Variants in NAV1 observed in about 807,000 individuals in gnomAD.
NAV1 encodes the protein pore membrane and/or filament interacting like protein 3.
A neutral mutation model predicts 175.2 loss-of-function variants in NAV1; 18 were observed. That is an observed-to-expected ratio of 0.10 (90% CI 0.07 to 0.15). The LOEUF (loss-of-function observed/expected upper bound fraction) is 0.15, where lower values mean the gene tolerates loss of function less well. Ranked by LOEUF, NAV1 falls within the 10% of genes least tolerant of loss-of-function variation. The pLI, the probability that NAV1 is intolerant of heterozygous loss-of-function variation, is 1.00. For missense variants in NAV1, 1,731 were observed against 2,436.6 expected (o/e 0.71, Z 6.10); for synonymous variants, 897 against 978.7 (o/e 0.92, Z 1.56).
At chr1:201,612,256 C>T (rs1489731741) in intron 2 of NAV1, among the ~76,000 whole-genome samples, 3 of 152,014 alleles carry the variant, frequency 2.0e-5, no homozygotes, top group African/African-American at 4.8e-5. Flanking sequence ...GGAGACCAGC[C>T]TGGTCAATAT....
rs1272936280 is a variant in NAV1, at chr1:201,780,992, C to T, written c.1366-20C>T. 1.9e-6 allele frequency: 3 copies of T among 1,577,232 alleles called. No individual in the cohort carries two copies. In the African/African-American group the frequency reaches 4.1e-5, roughly 21 times the overall value. On this transcript the variant is annotated intron_variant, in intron 4 of 29. Coordinates refer to ENST00000367296, the Ensembl canonical transcript of NAV1. The stretch of plus-strand genomic sequence containing the variant: ...ATCTGCATAGAAGTATCTCACTCTG[C>T]CTTTTTCTCTTTTCTTTAGCTACGC...
intron 2 of NAV1, among the ~76,000 whole-genome samples, chr1:201,603,376 G>C (rs954463163): frequency 1.3e-5 from 2 of 152,164 alleles, no homozygotes; most frequent in African/African-American, 4.8e-5. Context: ...ACATGGAATT[G>C]CTGCATCACT....
At chr1:201,603,653 C>T (rs1442979663) in intron 2 of NAV1, among the ~76,000 whole-genome samples, 1 of 152,072 alleles carries the variant, frequency 6.6e-6, no homozygotes, top group African/African-American at 2.4e-5. Context: ...GGAAAGTAGC[C>T]CCACTCCAGA....
intron 1 of NAV1, among the ~76,000 whole-genome samples, chr1:201,551,247 G>C (rs182196817): frequency 2.6e-5 from 4 of 151,366 alleles, no homozygotes; most frequent in Admixed American, 2.6e-4. Flanking sequence ...TTTTTTTCTT[G>C]AGAAAGGGTC....
intron 15 of NAV1, among the ~76,000 whole-genome samples, chr1:201,799,609 C>T (rs993347351): frequency 6.6e-6 from 1 of 152,170 alleles, no homozygotes; most frequent in African/African-American, 2.4e-5. Context: ...CCTATAATCC[C>T]AGCACTTTGG....
chr1:201,820,057 G>A (rs1679299830), exon 30 of NAV1: 15 of 903,654 alleles, frequency 1.7e-5, no homozygotes, highest in Non-Finnish European at 2.1e-5. Context: ...CAGGAGGGAG[G>A]AGGAGATGAA....
chr1:201,625,012 G>A (rs187916882), intron 1 of NAV1, among the ~76,000 whole-genome samples: 18 of 152,250 alleles, frequency 1.2e-4, no homozygotes, highest in African/African-American at 4.3e-4. Flanking sequence ...CTAGGCCTTT[G>A]GAGTTCAGGA....
rs1445610561 is a variant in NAV1 at position 201,690,325 on chromosome 1, C to T, written c.758-22492C>T. Among the ~76,000 whole-genome samples the T allele has an allele frequency of 2.2e-5, 2 of 92,636 alleles. 1 individual carries two copies. The allele number at this position is 92,636 out of a possible 152,430, so 60.8% of individuals were successfully genotyped here. On this transcript the variant is annotated intron_variant, in intron 1 of 29. Coordinates refer to ENST00000367296, the Ensembl canonical transcript of NAV1. ...CTATTTCCTCCGTGGCCTGTCCATG[C>T]AGTGTGTGTCTGTTTCCTCTGTGGC... is the stretch of plus-strand genomic sequence containing the variant.
At chr1:201,650,663 C>G (rs1432950390) in intron 1 of NAV1, among the ~76,000 whole-genome samples, 1 of 152,218 alleles carries the variant, frequency 6.6e-6, no homozygotes, top group Non-Finnish European at 1.5e-5. Context: ...CCGGTTCGGC[C>G]TGCTGCAGTC....
At chr1:201,762,331 A>G (rs1393714382) in intron 3 of NAV1, among the ~76,000 whole-genome samples, 2 of 152,046 alleles carry the variant, frequency 1.3e-5, no homozygotes, top group Non-Finnish European at 2.9e-5. Flanking sequence ...CGGAATTGTT[A>G]TTTCTTTTCA....
intron 2 of NAV1, among the ~76,000 whole-genome samples, chr1:201,589,529 T>G (rs1421993536): frequency 2.6e-5 from 4 of 152,176 alleles, no homozygotes; most frequent in Admixed American, 6.5e-5. Context: ...CCTTACTCAG[T>G]CTCCTAGGCT....
intron 3 of NAV1, among the ~76,000 whole-genome samples, chr1:201,732,978 TA>T (rs1292115827): frequency 6.7e-6 from 1 of 149,084 alleles, no homozygotes; most frequent in Non-Finnish European, 1.5e-5. Context: ...GGCTGAGACA[TA>T]AGAATTGCTT....
chr1:201,712,556 T>G (rs1206361745), intron 1 of NAV1, among the ~76,000 whole-genome samples: 2 of 152,100 alleles, frequency 1.3e-5, no homozygotes, highest in East Asian at 3.9e-4. Flanking sequence ...CCTTGGGGGC[T>G]CTGAAAGGAG....
chr1:201,595,315 A>G (rs535830056), intron 2 of NAV1, among the ~76,000 whole-genome samples: 15 of 152,368 alleles, frequency 9.8e-5, no homozygotes, highest in Non-Finnish European at 1.6e-4. Flanking sequence ...ACCCTGACTC[A>G]TGCTTAGAAC....
intron 1 of NAV1, among the ~76,000 whole-genome samples, chr1:201,553,134 T>C (rs1039658117): frequency 3.9e-5 from 6 of 152,126 alleles, no homozygotes; most frequent in Admixed American, 3.9e-4. Context: ...GCAAAATATA[T>C]GGTAAGGTGG....
At chr1:201,646,785 G>T (rs898557283), upstream of NAV1, among the ~76,000 whole-genome samples, 1 of 152,124 alleles carries the variant, frequency 6.6e-6, no homozygotes, top group Non-Finnish European at 1.5e-5. Context: ...AACCAACAGA[G>T]TTGCAACACC....
At chr1:201,789,685 A>C in intron 10 of NAV1, 55 bp from the exon 15 acceptor site, 3 of 1,545,800 alleles carry the variant, frequency 1.9e-6, no homozygotes, top group Non-Finnish European at 2.7e-6. Flanking sequence ...GTCTTCCAAA[A>C]ACCCCTTGTC....
intron 1 of NAV1, among the ~76,000 whole-genome samples, chr1:201,679,126 T>C (rs1039936525): frequency 6.6e-6 from 1 of 152,164 alleles, no homozygotes; most frequent in African/African-American, 2.4e-5. Flanking sequence ...GCCAACCTCC[T>C]GAGCCTGCGG....
At chr1:201,757,282 G>T (rs1048648383) in intron 3 of NAV1, among the ~76,000 whole-genome samples, 6 of 151,914 alleles carry the variant, frequency 3.9e-5, no homozygotes. Context: ...TCTTTCGACT[G>T]TCTTGCTCTG....
Sources: allele counts gnomAD v4.1 joint callset (sites outside exome capture counted in the v4.1 genomes callset), GRCh38; gene constraint gnomAD v4.1.1; transcripts MANE v1.5; gene names NCBI Gene and HGNC (gene_info 2026-07-23, HGNC 2026-07-21).